The following ITGA2B variants were observed in gnomAD, a reference collection of about 807,000 sequenced individuals.
ITGA2B encodes integrin subunit alpha 2b, also known as integrin alpha-IIb.
ITGA2B carries 91 observed loss-of-function variants against 142.0 expected under a neutral mutation model. That is an observed-to-expected ratio of 0.64 (90% CI 0.54 to 0.76). The LOEUF (loss-of-function observed/expected upper bound fraction) is 0.76, where lower values mean the gene tolerates loss of function less well. ITGA2B is among the 30% of genes least tolerant of loss of function. ITGA2B has a pLI of 0.00. For missense variants in ITGA2B, 1,231 were observed against 1,350.8 expected (o/e 0.91, Z 1.39); for synonymous variants, 536 against 567.2 (o/e 0.94, Z 0.78).
At chr17:44,382,759 C>G (rs925973034) in intron 12 of ITGA2B, among the ~76,000 whole-genome samples, 1 of 151,902 alleles carries the variant, frequency 6.6e-6, no homozygotes, top group African/African-American at 2.4e-5. Context: ...CTGCAGCGCC[C>G]ACTTCCTCCT....
chr17:44,389,628 G>T lies in ITGA2B; in HGVS notation c.-155C>A. 1 of 837,394 alleles carries T rather than the reference G, an allele frequency of 1.2e-6. No homozygotes were observed. The highest frequency in any genetic ancestry group is 1.9e-6 in the Non-Finnish European group (1 of 538,078). 51.9% of individuals were successfully genotyped at this position (837,394 alleles called of 1,614,324 possible). A position where few individuals can be genotyped will look rare whatever the true frequency, so the allele number is the denominator to read the frequency against. On this transcript the variant is annotated 5_prime_UTR_variant, in exon 1 of 30. Coordinates refer to ENST00000262407, the MANE Select transcript of ITGA2B (RefSeq NM_000419.5). The stretch of plus-strand genomic sequence containing the variant: ...AAGGGCTATAGCCCCTGGACTCATG[G>T]TGGCTAGAATTGCCAGGAAGTGGGT...
At chr17:44,376,274 A>G (rs372100833) in intron 23 of ITGA2B, 34 bp downstream of exon 23, 21 of 1,613,684 alleles carry the variant, frequency 1.3e-5, no homozygotes, top group Non-Finnish European at 1.7e-5. Context: ...AGAGCCCTGA[A>G]TGCCATCTCC....
At chr17:44,380,754 C>A (rs2048589083) in intron 13 of ITGA2B, 109 bp from the exon 14 acceptor site, 2 of 1,589,590 alleles carry the variant, frequency 1.3e-6, no homozygotes, top group East Asian at 4.5e-5. Flanking sequence ...TTTCACCCAG[C>A]CCCTCTGGCA....
intron 6 of ITGA2B, 39 bp from the exon 7 acceptor site, chr17:44,385,115 G>C (rs371699604): frequency 6.2e-7 from 1 of 1,614,144 alleles, no homozygotes; most frequent in African/African-American, 1.3e-5. Flanking sequence ...GCCCAAAGCG[G>C]TCTCCTTGGG....
chr17:44,378,719 G>A lies in ITGA2B; in HGVS notation c.1879-9C>T. On this transcript the variant is annotated splice_polypyrimidine_tract_variant and intron_variant, in intron 18 of 29. Coordinates refer to ENST00000262407, the MANE Select transcript of ITGA2B (RefSeq NM_000419.5). ...TCCAGGACGATTCGTGTCTAGAGGG[G>A]CACATTGGGGTGTGCGGGTAAGTTG... is the stretch of plus-strand genomic sequence containing the variant. The A allele has an allele frequency of 6.4e-7, 1 of 1,554,108 alleles. No homozygotes were observed. The highest frequency in any genetic ancestry group is 8.7e-7 in the Non-Finnish European group (1 of 1,148,118).
In ITGA2B at chr17:44,384,326, G is replaced by A. The variant is rs758928760; in HGVS notation, c.876C>T (p.Ser292=). Residue 292 remains serine (S), a synonymous_variant, in exon 9 of 30, where the codon AGC becomes AGT. Transcript: ENST00000262407. ...TEYVVGAPTW[S]WTLGAVEILD... ...GGGCACTTACCGCTCCCAGGGTCCA[G>A]CTCCAAGTGGGGGCACCGACGACAT... The A allele has an allele frequency of 6.2e-7, 1 of 1,613,532 alleles. No individual in the cohort carries two copies. The highest frequency in any genetic ancestry group is 8.5e-7 in the Non-Finnish European group (1 of 1,179,936).
intron 29 of ITGA2B, 162 bp downstream of exon 29, chr17:44,374,192 C>T: frequency 1.4e-6 from 1 of 732,098 alleles, no homozygotes; most frequent in South Asian, 1.5e-5. Flanking sequence ...AGGTGTGAGC[C>T]ACCCCACTGG....
In ITGA2B at chr17:44,375,735, G is replaced by T; in HGVS notation, c.2602-19C>A. The T allele has an allele frequency of 6.4e-7, 1 of 1,565,394 alleles. No individual in the cohort carries two copies. Among genetic ancestry groups the T allele is most frequent in the Non-Finnish European group, 8.7e-7 (1 of 1,154,680 alleles). The stretch of plus-strand genomic sequence containing the variant: ...AGTCCACCTGGGGGGGCAAAGGAGT[G>T]GTCAGGCCCAGGTCTCCCCCGAACC... On this transcript the variant is annotated intron_variant, in intron 25 of 29. Transcript: ENST00000262407.
chr17:44,387,061 CATA>C (rs1408307412), intron 1 of ITGA2B, among the ~76,000 whole-genome samples: 1 of 151,734 alleles, frequency 6.6e-6, no homozygotes, highest in East Asian at 2.0e-4. Flanking sequence ...GTGTCTGGCC[CATA>C]ATATTTTTTT....
chr17:44,372,198 T>C lies in ITGA2B; in HGVS notation c.*166A>G. The C allele has an allele frequency of 2.9e-6, 2 of 686,960 alleles. No homozygotes were observed. The highest frequency in any genetic ancestry group is 5.2e-6 in the Non-Finnish European group (2 of 386,046). 42.6% of individuals were successfully genotyped at this position (686,960 alleles called of 1,614,324 possible). ...GCTCAGCATCAGGGCTCAGTCTCTT[T>C]ATTAGGCAGCAGGAGGGGGGGTAGC... On this transcript the variant is annotated 3_prime_UTR_variant, in exon 30 of 30. Coordinates refer to ENST00000262407, the MANE Select transcript of ITGA2B (RefSeq NM_000419.5).
At chr17:44,384,734 C>A in intron 7 of ITGA2B, 149 bp from the exon 8 acceptor site, 1 of 1,253,006 alleles carries the variant, frequency 8.0e-7, no homozygotes, top group South Asian at 1.2e-5. Context: ...AAGCCCTGCC[C>A]CAGGCTGCGC....
At chr17:44,375,435 A>G in intron 26 of ITGA2B, 156 bp downstream of exon 26, 1 of 883,992 alleles carries the variant, frequency 1.1e-6, no homozygotes. Context: ...CCCAGACACA[A>G]GCCAGCATGC....
rs1213138544 is a variant in ITGA2B, at chr17:44,376,013, G to A, written c.2449-28C>T. ...GAAGGGGTGGTGGTGGCAGGGTGTGGGGAGCTTAGCGCCTCACCCGGAGTT... is the reference window on the plus strand; with the variant it reads ...GAAGGGGTGGTGGTGGCAGGGTGTGAGGAGCTTAGCGCCTCACCCGGAGTT... On this transcript the variant is annotated intron_variant, in intron 24 of 29. Transcript: ENST00000262407. 4 of 1,613,912 alleles carry A rather than the reference G, an allele frequency of 2.5e-6. No homozygotes were observed. The African/African-American group carries it at 5.3e-5, about 22-fold the overall frequency.
chr17:44,374,078 G>T (rs1214919410), intron 29 of ITGA2B: 2 of 410,242 alleles, frequency 4.9e-6, no homozygotes, highest in Middle Eastern at 7.6e-4. Context: ...GCTAATTTTG[G>T]TATTTTTAGT....
At position 44,384,080 on chromosome 17, in the gene ITGA2B, C is replaced by T; in HGVS notation, c.945+5G>A. On this transcript the variant is annotated splice_donor_5th_base_variant and intron_variant, in intron 10 of 29. Coordinates refer to ENST00000262407, the MANE Select transcript of ITGA2B (RefSeq NM_000419.5). Reference sequence around the variant, plus strand: ...CAGCCACGCCCACTGGGACCTGGCCCCCACCTGCTCTCCGCGCAGCCGATG... The same window carrying T: ...CAGCCACGCCCACTGGGACCTGGCCTCCACCTGCTCTCCGCGCAGCCGATG... The T allele has an allele frequency of 6.2e-7, 1 of 1,613,754 alleles. No homozygotes were observed. The highest frequency in any genetic ancestry group is 1.1e-5 in the South Asian group (1 of 91,088).
At chr17:44,384,410 C>A in intron 8 of ITGA2B, 56 bp from the exon 9 acceptor site, 1 of 1,610,006 alleles carries the variant, frequency 6.2e-7, no homozygotes, top group Non-Finnish European at 8.5e-7. Flanking sequence ...CTACCCACTT[C>A]CCGCTCCCCG....
Position 44,378,638 on chromosome 17 carries a change from C to T in ITGA2B, c.1946+5G>A. 1 of 1,568,226 alleles carries T rather than the reference C, an allele frequency of 6.4e-7. No individual in the cohort carries two copies. The highest frequency in any genetic ancestry group is 8.6e-7 in the Non-Finnish European group (1 of 1,156,206). On this transcript the variant is annotated splice_donor_5th_base_variant and intron_variant, in intron 19 of 29. Coordinates refer to ENST00000262407, the MANE Select transcript of ITGA2B (RefSeq NM_000419.5). Reference sequence around the variant, plus strand: ...AGGGTCGGGCAGAATGGGAGGCCTCCTCACACGCTGGCAGTGAGCTGAAGC... The same window carrying T: ...AGGGTCGGGCAGAATGGGAGGCCTCTTCACACGCTGGCAGTGAGCTGAAGC...
chr17:44,373,454 G>T (rs1046906913), intron 29 of ITGA2B, among the ~76,000 whole-genome samples: 1 of 152,138 alleles, frequency 6.6e-6, no homozygotes, highest in African/African-American at 2.4e-5. Context: ...TTCTTATACT[G>T]AAGTTTGTGT....
chr17:44,377,884 G>A lies in ITGA2B; in HGVS notation c.2095-94C>T, dbSNP rs1052710884. ...GGTCTGGAAAGATTTGTGTGCCAAG[G>A]TAGGGAGGGGGGGGTTTCTTGGGGT... On this transcript the variant is annotated intron_variant, in intron 20 of 29. Transcript: ENST00000262407. 23 of 577,344 alleles carry A rather than the reference G, an allele frequency of 4.0e-5. No homozygotes were observed. In the African/African-American group the frequency reaches 4.2e-4, roughly 11 times the overall value. The allele number at this position is 577,344 out of a possible 1,614,324, so 35.8% of individuals were successfully genotyped here. A position where few individuals can be genotyped will look rare whatever the true frequency, so the allele number is the denominator to read the frequency against.
Sources: allele counts gnomAD v4.1 joint callset (sites outside exome capture counted in the v4.1 genomes callset), GRCh38; gene constraint gnomAD v4.1.1; transcripts MANE v1.5; gene names NCBI Gene and HGNC (gene_info 2026-07-23, HGNC 2026-07-21).